UNC79: variants seen among roughly 807,000 people sequenced by gnomAD.
UNC79 encodes the protein unc-79 subunit of NALCN channel complex.
Under a neutral mutation model 283.1 loss-of-function variants are expected in UNC79, and 37 were observed. That is an observed-to-expected ratio of 0.13 (90% CI 0.10 to 0.17). The LOEUF (loss-of-function observed/expected upper bound fraction) is 0.17, where lower values mean the gene tolerates loss of function less well. Ranked by LOEUF, UNC79 falls within the 10% of genes least tolerant of loss-of-function variation. UNC79 has a pLI of 1.00. For synonymous variants in UNC79, 1,107 were observed against 1,200.2 expected, an observed-to-expected ratio of 0.92 and a Z score of 1.61; for missense variants, 2,272 against 3,211.1, an observed-to-expected ratio of 0.71 and a Z score of 7.07.
chr14:93,454,473 G>T (rs2056741565), intron 1 of UNC79, among the ~76,000 whole-genome samples: 1 of 152,074 alleles, frequency 6.6e-6, no homozygotes, highest in African/African-American at 2.4e-5. Context: ...AATGTGCAGT[G>T]GGGGTCACAG....
chr14:93,579,859 C>T (rs1178315533), intron 18 of UNC79, among the ~76,000 whole-genome samples: 3 of 152,156 alleles, frequency 2.0e-5, no homozygotes, highest in African/African-American at 7.2e-5. Flanking sequence ...ATCTCACAAA[C>T]CGATTAGCCA....
rs760719693 is a variant in UNC79 at position 93,487,685 on chromosome 14, T to C, written c.642T>C (p.Gly214=). The change falls in exon 5 of 49, where the codon GGT becomes GGC. Residue 214 remains glycine (G), a synonymous_variant. Transcript: ENST00000555664. ...CAGTGGGCTCCTCAAGGAGAGAAGG[T>C]GTACCTGCCCATGTTAACCTCTCTG... The C allele has an allele frequency of 5.0e-6, 8 of 1,613,846 alleles. No individual in the cohort carries two copies. The South Asian group carries it at 7.7e-5, about 16-fold the overall frequency.
intron 1 of UNC79, 62 bp downstream of exon 1, chr14:93,431,113 C>A: frequency 1.8e-6 from 1 of 554,536 alleles, no homozygotes; most frequent in Non-Finnish European, 3.4e-6. Flanking sequence ...GCAGCTGCGG[C>A]GTTTGCGGCT....
intron 1 of UNC79, among the ~76,000 whole-genome samples, chr14:93,436,129 G>C (rs1280182641): frequency 6.6e-6 from 1 of 152,016 alleles, no homozygotes; most frequent in Non-Finnish European, 1.5e-5. Context: ...AATGACTGAG[G>C]GTGGATGAAA....
intron 40 of UNC79, among the ~76,000 whole-genome samples, chr14:93,668,212 CT>C (rs552461154): frequency 2.0e-4 from 30 of 152,240 alleles, no homozygotes; most frequent in African/African-American, 7.0e-4. Flanking sequence ...AAAAATACAA[CT>C]CTCATTTTTC....
chr14:93,464,107 C>G (rs2057063603), intron 1 of UNC79, among the ~76,000 whole-genome samples: 1 of 152,114 alleles, frequency 6.6e-6, no homozygotes. Flanking sequence ...CGAGATCGTG[C>G]CACTGCACTC....
chr14:93,528,439 A>T (rs1344814227), intron 8 of UNC79, 119 bp from the exon 9 acceptor site: 3 of 869,172 alleles, frequency 3.5e-6, no homozygotes, highest in Non-Finnish European at 5.3e-6. Context: ...TTTTACTAAA[A>T]ATGTTTATTC....
exon 37 of UNC79, chr14:93,654,011 A>C (rs1195431587): frequency 6.2e-7 from 1 of 1,614,122 alleles, no homozygotes; most frequent in Non-Finnish European, 8.5e-7. Context: ...CGCAGCTCTC[A>C]GTCAGCTCCT....
At chr14:93,575,137 A>G (rs1181283228) in exon 17 of UNC79, 2 of 1,614,084 alleles carry the variant, frequency 1.2e-6, no homozygotes, top group East Asian at 2.2e-5. Flanking sequence ...TCAGTCAAAG[A>G]GCTGGCAAAT....
intron 39 of UNC79, among the ~76,000 whole-genome samples, chr14:93,660,559 A>G (rs5012150): frequency 0.017 from 1,505 of 86,700 alleles, 48 homozygotes; most frequent in Middle Eastern, 0.063. Flanking sequence ...ATATATATAT[A>G]TATATGTGTG....
At position 93,460,633 on chromosome 14, in the gene UNC79, G is replaced by A. The variant is rs1337378642; in HGVS notation, c.23-7038G>A. 2.0e-5 allele frequency among the ~76,000 whole-genome samples: 3 copies of A among 151,966 alleles called. No individual in the cohort carries two copies. In the South Asian group the frequency reaches 6.2e-4, roughly 32 times the overall value. ...AACAGTTACTGTCTTTCTGAAGGAC[G>A]ATTTCTTAATTCTTACCGAGAGCTT... On this transcript the variant is annotated intron_variant, in intron 1 of 48. Transcript: ENST00000555664.
intron 32 of UNC79, among the ~76,000 whole-genome samples, chr14:93,639,152 T>C (rs187575806): frequency 1.3e-5 from 2 of 152,354 alleles, no homozygotes; most frequent in East Asian, 1.9e-4. Context: ...ATAATAGTAA[T>C]TGGCAATAAT....
rs10151084 is a variant in UNC79 at position 93,451,451 on chromosome 14, C to T, written c.23-16220C>T. ...GGGGTTGGAGGGCAGGGTTTGGTTC[C>T]GCTCTGCATTAGCATTTACACTTCA... is the stretch of plus-strand genomic sequence containing the variant. On this transcript the variant is annotated intron_variant, in intron 1 of 48. Coordinates refer to ENST00000555664, the Ensembl canonical transcript of UNC79. Among the ~76,000 whole-genome samples the T allele has an allele frequency of 2.8e-3, 429 of 152,314 alleles. 3 individuals carry two copies. Among genetic ancestry groups the T allele is most frequent in the African/African-American group, 9.7e-3 (405 of 41,560 alleles).
At chr14:93,373,562 T>A (rs1414808851) in intron 1 of UNC79, among the ~76,000 whole-genome samples, 8 of 152,148 alleles carry the variant, frequency 5.3e-5, no homozygotes, top group Admixed American at 2.6e-4. Context: ...CAAAAAGAAC[T>A]AGATAATCTG....
At position 93,575,044 on chromosome 14, in the gene UNC79, C is replaced by T. The variant is rs757096921; in HGVS notation, c.2071-14C>T. 2.5e-6 allele frequency: 4 copies of T among 1,591,458 alleles called. No homozygotes were observed. The highest frequency in any genetic ancestry group is 3.4e-6 in the Non-Finnish European group (4 of 1,170,980). ...ACATGTGTTTTTTGGGGGATATATG[C>T]CTTTTTTCCCTAGGTATTATCGGAG... On this transcript the variant is annotated splice_polypyrimidine_tract_variant and intron_variant, in intron 16 of 48. Transcript: ENST00000555664.
intron 14 of UNC79, among the ~76,000 whole-genome samples, chr14:93,560,770 T>A (rs1238757087): frequency 6.6e-6 from 1 of 151,734 alleles, no homozygotes; most frequent in East Asian, 1.9e-4. Flanking sequence ...CAGGCAAAAC[T>A]GGAAATGCAA....
In UNC79 at chr14:93,704,381, C is replaced by T. The variant is rs186947230; in HGVS notation, c.7549-244C>T. On this transcript the variant is annotated intron_variant, in intron 47 of 48. Transcript: ENST00000555664. ...TGGTAGCTTTCGAGAGACAATCAGT[C>T]ATTTACTCTAAAGTGTGTATCTCAG... 4.5e-4 allele frequency among the ~76,000 whole-genome samples: 68 copies of T among 152,288 alleles called. No individual in the cohort carries two copies. In the East Asian group the frequency reaches 0.012, roughly 27 times the overall value.
intron 18 of UNC79, 82 bp downstream of exon 18, chr14:93,578,145 G>GAGATGCCCAACA: frequency 7.7e-7 from 1 of 1,295,196 alleles, no homozygotes; most frequent in Non-Finnish European, 1.1e-6. Context: ...CATGTGTTGG[G>GAGATGCCCAACA]CATCTCCACA....
intron 7 of UNC79, among the ~76,000 whole-genome samples, chr14:93,515,744 T>G (rs2060024014): frequency 6.6e-6 from 1 of 152,150 alleles, no homozygotes; most frequent in Non-Finnish European, 1.5e-5. Context: ...GGGTGTTTAT[T>G]TTATTATCTT....
Sources: gnomAD v4.1 joint callset for allele counts (sites outside exome capture counted in the v4.1 genomes callset) on GRCh38, gnomAD v4.1.1 for gene constraint, MANE v1.5 for transcripts, NCBI Gene and HGNC (gene_info 2026-07-23, HGNC 2026-07-21) for gene names.